Variants in DIS3L2 observed in about 807,000 individuals in gnomAD.
DIS3L2 encodes the protein DIS3 like 3'-5' exoribonuclease 2.
DIS3L2 carries 34 observed loss-of-function variants against 97.5 expected under a neutral mutation model. The observed-to-expected ratio is 0.35, with a 90% confidence interval of 0.27 to 0.46. The LOEUF is 0.46. Among genes scored for constraint, DIS3L2 ranks in the 20% least tolerant of loss-of-function variants. The probability of loss-of-function intolerance (pLI) is 1.00; values close to 1 mark genes in which losing one functional copy is unlikely to be tolerated. For missense variants in DIS3L2, 1,038 were observed against 1,146.0 expected, an observed-to-expected ratio of 0.91 and a Z score of 1.36; for synonymous variants, 435 against 445.2, an observed-to-expected ratio of 0.98 and a Z score of 0.29.
Position 232,337,001 on chromosome 2 carries a change from G to A in DIS3L2, c.*371G>A. ...CATCTGGTGTGTAGGGCGCCTCTGG[G>A]AAGCCTGGGCAGCAGAATGCCCCTT... On this transcript the variant is annotated 3_prime_UTR_variant, in exon 21 of 21. Transcript: ENST00000325385. 2 of 1,098,218 alleles carry A rather than the reference G, an allele frequency of 1.8e-6. No individual in the cohort carries two copies. The highest frequency in any genetic ancestry group is 2.2e-6 in the Non-Finnish European group (2 of 898,814). 68.0% of individuals were successfully genotyped at this position (1,098,218 alleles called of 1,614,324 possible). A position where few individuals can be genotyped will look rare whatever the true frequency, so the allele number is the denominator to read the frequency against.
At chr2:232,086,316 TATATGC>T (rs1183886109) in intron 5 of DIS3L2, among the ~76,000 whole-genome samples, 9 of 147,798 alleles carry the variant, frequency 6.1e-5, no homozygotes, top group Non-Finnish European at 8.9e-5. Flanking sequence ...TATGTATATG[TATATGC>T]ATATGCATAT....
At chr2:232,161,502 G>A (rs911586583) in intron 8 of DIS3L2, among the ~76,000 whole-genome samples, 4 of 151,676 alleles carry the variant, frequency 2.6e-5, no homozygotes, top group Admixed American at 6.6e-5. Context: ...ATAGCATCTC[G>A]CTCTGTCGCC....
At chr2:232,080,523 G>C (rs1190495186) in intron 5 of DIS3L2, among the ~76,000 whole-genome samples, 2 of 152,096 alleles carry the variant, frequency 1.3e-5, no homozygotes, top group African/African-American at 4.8e-5. Context: ...CAGTCATAAC[G>C]AATTAATGAT....
At chr2:232,002,601 T>C (rs559216583) in intron 1 of DIS3L2, among the ~76,000 whole-genome samples, 14 of 152,356 alleles carry the variant, frequency 9.2e-5, no homozygotes, top group African/African-American at 3.4e-4. Context: ...TGAATTGCAT[T>C]TTTAGGCCAT....
rs1695523870 is a variant in DIS3L2, at chr2:232,055,550, AATTG to A, written c.366+25475_366+25478del. Among the ~76,000 whole-genome samples the A allele has an allele frequency of 2.6e-5, 4 of 152,222 alleles. No homozygotes were observed. In the South Asian group the frequency reaches 8.3e-4, roughly 32 times the overall value. ...ATGGTAAAAATATTAATTCTTCCCA[AATTG>A]ATTGCTGCATTTAACAGAATCCAAG... is the stretch of plus-strand genomic sequence containing the variant. On this transcript the variant is annotated intron_variant, in intron 5 of 20. Transcript: ENST00000325385.
At chr2:232,303,370 A>G (rs981460414) in intron 14 of DIS3L2, among the ~76,000 whole-genome samples, 2 of 152,206 alleles carry the variant, frequency 1.3e-5, no homozygotes, top group East Asian at 3.9e-4. Flanking sequence ...GGAAATGAAG[A>G]TACTCAGCCC....
chr2:232,277,988 T>C (rs1162091262), intron 13 of DIS3L2, among the ~76,000 whole-genome samples: 2 of 152,072 alleles, frequency 1.3e-5, no homozygotes, highest in East Asian at 1.9e-4. Context: ...GGGCCCATCG[T>C]TGGCCAAAAC....
chr2:232,145,521 T>C (rs1434058276), intron 8 of DIS3L2, among the ~76,000 whole-genome samples: 1 of 152,218 alleles, frequency 6.6e-6, no homozygotes, highest in African/African-American at 2.4e-5. Flanking sequence ...TATCTTGAAT[T>C]GGCAACTCAC....
intron 16 of DIS3L2, chr2:232,331,881 C>T (rs971611761): frequency 3.9e-5 from 6 of 152,390 alleles, no homozygotes; most frequent in African/African-American, 1.2e-4. Flanking sequence ...TCCCAGGGAG[C>T]TCAGAGGTGC....
chr2:232,036,673 T>C (rs1694957227), intron 5 of DIS3L2, among the ~76,000 whole-genome samples: 1 of 152,234 alleles, frequency 6.6e-6, no homozygotes, highest in Non-Finnish European at 1.5e-5. Flanking sequence ...ACCCTTGGTC[T>C]TTCCTGTTGG....
intron 5 of DIS3L2, among the ~76,000 whole-genome samples, chr2:232,062,927 G>A (rs990388821): frequency 4.0e-5 from 6 of 151,880 alleles, no homozygotes; most frequent in Non-Finnish European, 7.4e-5. Flanking sequence ...CAACACCATA[G>A]GGTTTGTTCT....
chr2:232,059,953 G>A (rs1044137726), intron 5 of DIS3L2, among the ~76,000 whole-genome samples: 1 of 152,086 alleles, frequency 6.6e-6, no homozygotes, highest in African/African-American at 2.4e-5. Flanking sequence ...ACATATGAGT[G>A]CATGTATCTT....
chr2:232,174,637 A>G (rs2106176875), intron 9 of DIS3L2, among the ~76,000 whole-genome samples: 1 of 150,706 alleles, frequency 6.6e-6, no homozygotes, highest in African/African-American at 2.4e-5. Context: ...CGTGGATACC[A>G]TGGAATTTCC....
intron 5 of DIS3L2, among the ~76,000 whole-genome samples, chr2:232,039,830 T>C (rs1289955954): frequency 6.6e-6 from 1 of 152,204 alleles, no homozygotes; most frequent in Non-Finnish European, 1.5e-5. Flanking sequence ...TAATATCCTT[T>C]TCCTCAGATT....
intron 12 of DIS3L2, among the ~76,000 whole-genome samples, chr2:232,251,663 C>A (rs1039199333): frequency 1.3e-5 from 2 of 152,170 alleles, no homozygotes; most frequent in Admixed American, 6.5e-5. Flanking sequence ...TATAAAATTT[C>A]AGAACACTGT....
At chr2:232,202,181 C>T (rs1007269662) in intron 9 of DIS3L2, among the ~76,000 whole-genome samples, 2 of 152,102 alleles carry the variant, frequency 1.3e-5, no homozygotes, top group South Asian at 2.1e-4. Context: ...GGGTGGATCA[C>T]GAGGTCAAGA....
chr2:232,015,712 G>A (rs769837569), intron 3 of DIS3L2, 41 bp downstream of exon 3: 2 of 1,604,666 alleles, frequency 1.2e-6, no homozygotes, highest in Admixed American at 1.7e-5. Context: ...TGAATATGTA[G>A]AATCCAAAAC....
intron 5 of DIS3L2, among the ~76,000 whole-genome samples, chr2:232,049,853 T>G (rs1695351718): frequency 6.6e-6 from 1 of 152,238 alleles, no homozygotes; most frequent in Non-Finnish European, 1.5e-5. Context: ...TCTGTGTGCC[T>G]AAGCTGGATT....
At chr2:232,274,405 A>C (rs547322369) in intron 13 of DIS3L2, among the ~76,000 whole-genome samples, 2 of 152,362 alleles carry the variant, frequency 1.3e-5, no homozygotes, top group East Asian at 3.9e-4. Context: ...AAACAGCTAC[A>C]TCAGAGACGT....
Sources: allele counts gnomAD v4.1 joint callset (sites outside exome capture counted in the v4.1 genomes callset), GRCh38; gene constraint gnomAD v4.1.1; transcripts MANE v1.5; gene names NCBI Gene and HGNC (gene_info 2026-07-23, HGNC 2026-07-21).